Variants in SF3A1 observed in about 807,000 individuals in gnomAD.
SF3A1 encodes splicing factor 3a subunit 1.
Under a neutral mutation model 89.9 loss-of-function variants are expected in SF3A1, and 13 were observed. That is an observed-to-expected ratio of 0.14 (90% CI 0.09 to 0.23). The LOEUF (loss-of-function observed/expected upper bound fraction) is 0.23, where lower values mean the gene tolerates loss of function less well. SF3A1 is among the 10% of genes least tolerant of loss of function. The pLI, the probability that SF3A1 is intolerant of heterozygous loss-of-function variation, is 1.00. For missense variants in SF3A1, 604 were observed against 1,022.1 expected, an observed-to-expected ratio of 0.59 and a Z score of 5.58; for synonymous variants, 405 against 374.4, an observed-to-expected ratio of 1.08 and a Z score of -0.94.
rs771254960 is a variant in SF3A1, at chr22:30,341,660, A to C, written c.1071+32T>G. ...CGACCTCCTGGGGCTTCAGGGGAAA[A>C]GGTCATCCTGCAGGCCTGCCCAGCA... On this transcript the variant is annotated intron_variant, in intron 7 of 15. Coordinates refer to ENST00000215793, the MANE Select transcript of SF3A1 (RefSeq NM_005877.6). 3 of 1,591,638 alleles carry C rather than the reference A, an allele frequency of 1.9e-6. No individual in the cohort carries two copies. The Admixed American group carries it at 5.1e-5, about 27-fold the overall frequency.
chr22:30,352,143 G>C (rs1312769768), intron 2 of SF3A1, among the ~76,000 whole-genome samples: 1 of 150,252 alleles, frequency 6.7e-6, no homozygotes, highest in East Asian at 2.0e-4. Context: ...ACTGTAGGAA[G>C]AGAGAGGATC....
chr22:30,351,967 C>T (rs1380698566), intron 2 of SF3A1, among the ~76,000 whole-genome samples: 2 of 152,244 alleles, frequency 1.3e-5, no homozygotes, highest in Non-Finnish European at 2.9e-5. Context: ...AAAATTCCAT[C>T]TAAGGATGTG....
At position 30,340,729 on chromosome 22, in the gene SF3A1, G is replaced by A; in HGVS notation, c.1155C>T (p.Asp385=). ...PMPPPLPPTP[D]QVIVRKDYDP... ...CATAATCCTTGCGGACAATGACTTG[G>A]TCTGGAGTTGGGGGCAGAGGTGGAG... Residue 385 remains aspartate, a synonymous_variant, in exon 8 of 16, where the codon GAC becomes GAT. Coordinates refer to ENST00000215793, the MANE Select transcript of SF3A1 (RefSeq NM_005877.6). 1 of 1,607,928 alleles carries A rather than the reference G, an allele frequency of 6.2e-7. No homozygotes were observed. The highest frequency in any genetic ancestry group is 8.5e-7 in the Non-Finnish European group (1 of 1,175,986).
intron 2 of SF3A1, among the ~76,000 whole-genome samples, chr22:30,347,265 C>CCAG (rs1284606153): frequency 6.6e-6 from 1 of 152,186 alleles, no homozygotes; most frequent in Non-Finnish European, 1.5e-5. Context: ...TCACCGTATT[C>CCAG]CAGCCTGGAA....
rs927511808 is a variant in SF3A1, at chr22:30,333,718, G to A, written c.*876C>T. ...TGGATAAAATGGATAAAAGTAGAGA[G>A]TAAATTATTTAAACTTTATCAAATC... On this transcript the variant is annotated 3_prime_UTR_variant, in exon 16 of 16. Coordinates refer to ENST00000215793, the MANE Select transcript of SF3A1 (RefSeq NM_005877.6). The A allele has an allele frequency of 1.3e-5, 2 of 152,260 alleles. No homozygotes were observed. Among genetic ancestry groups the A allele is most frequent in the South Asian group, 2.1e-4 (1 of 4,838 alleles). The allele number at this position is 152,260 out of a possible 1,614,324, so 9.4% of individuals were successfully genotyped here. A position where few individuals can be genotyped will look rare whatever the true frequency, so the allele number is the denominator to read the frequency against.
At chr22:30,341,671 C>A in intron 7 of SF3A1, 21 bp downstream of exon 7, 1 of 1,605,452 alleles carries the variant, frequency 6.2e-7, no homozygotes, top group Admixed American at 1.7e-5. Flanking sequence ...GGTCATCCTG[C>A]AGGCCTGCCC....
At chr22:30,345,542 CAT>C (rs925855914) in intron 3 of SF3A1, among the ~76,000 whole-genome samples, 39 of 152,274 alleles carry the variant, frequency 2.6e-4, no homozygotes, top group Non-Finnish European at 1.3e-4. Context: ...AGAAGGCCTA[CAT>C]GTGTGCAGAA....
Position 30,340,769 on chromosome 22 carries a change from G to A in SF3A1, c.1115C>T (p.Pro372Leu). 1 of 1,596,784 alleles carries A rather than the reference G, an allele frequency of 6.3e-7. No individual in the cohort carries two copies. The highest frequency in any genetic ancestry group is 8.5e-7 in the Non-Finnish European group (1 of 1,172,552). Residue 372 changes from proline to leucine, a missense_variant, in exon 8 of 16, where the codon CCA becomes CTA. Pro to Leu is a moderately conservative substitution (Grantham distance 98). This residue lies in a region of SF3A1 where 146 missense variants were observed against 228.5 expected (regional missense o/e 0.64). Transcript: ENST00000215793. ...EEEGQKVPPP[P>L]ETPMPPPLPP... ...CAGAGGTGGAGGCATGGGTGTCTCT[G>A]GGGGTGGGGGCACTTTCTGCCCTTC...
At chr22:30,338,613 C>T (rs740220) in intron 11 of SF3A1, among the ~76,000 whole-genome samples, 176 bp downstream of exon 11, 30,619 of 152,122 alleles carry the variant, frequency 0.2, 3,347 homozygotes, top group Middle Eastern at 0.35. Flanking sequence ...CAACCCTCCT[C>T]CACAAACAGA....
intron 1 of SF3A1, 25 bp downstream of exon 1, chr22:30,356,705 A>C (rs766887730): frequency 2.0e-6 from 3 of 1,469,762 alleles, no homozygotes; most frequent in Non-Finnish European, 9.1e-7. Flanking sequence ...CTCCGGCTGC[A>C]GGCTGAGGGG....
rs572373656 is a variant in SF3A1, at chr22:30,347,394, A to T, written c.186-875T>A. 2.8e-4 allele frequency among the ~76,000 whole-genome samples: 42 copies of T among 152,348 alleles called. No homozygotes were observed. In the South Asian group the frequency reaches 8.7e-3, roughly 32 times the overall value. On this transcript the variant is annotated intron_variant, in intron 2 of 15. Transcript: ENST00000215793. Reference sequence around the variant, plus strand: ...CCCATTATACTGGTGAGGCCCACACAGGAAACATCCTCAGCAAAAACCCAG... The same window carrying T: ...CCCATTATACTGGTGAGGCCCACACTGGAAACATCCTCAGCAAAAACCCAG...
chr22:30,337,940 G>T, intron 11 of SF3A1, 43 bp from the exon 12 acceptor site: 1 of 1,426,438 alleles, frequency 7.0e-7, no homozygotes, highest in Non-Finnish European at 9.8e-7. Flanking sequence ...AGCCAAAGTT[G>T]GACTCCAAGG....
chr22:30,337,545 T>A (rs1262465554), intron 12 of SF3A1, 145 bp downstream of exon 12: 2 of 700,272 alleles, frequency 2.9e-6, no homozygotes, highest in Non-Finnish European at 5.2e-6. Context: ...GGGTTGCGGA[T>A]CTTTCAATGG....
At chr22:30,344,679 T>C (rs772204153) in intron 4 of SF3A1, among the ~76,000 whole-genome samples, 4 of 152,344 alleles carry the variant, frequency 2.6e-5, no homozygotes, top group East Asian at 3.9e-4. Context: ...CCTTGTCACA[T>C]AGCAGGCAAT....
chr22:30,336,965 C>G (rs9608884), intron 13 of SF3A1, 61 bp downstream of exon 13: 35,901 of 1,599,700 alleles, frequency 0.022, 520 homozygotes, highest in East Asian at 0.055. Flanking sequence ...CGCAAGTGTA[C>G]GACAGGGGCG....
At chr22:30,341,089 C>T (rs1194394088) in intron 7 of SF3A1, among the ~76,000 whole-genome samples, 3 of 52,224 alleles carry the variant, frequency 5.7e-5, no homozygotes, top group Middle Eastern at 0.015. Context: ...CTTAACATGC[C>T]GGGGGGGGAC....
chr22:30,346,139 A>G (rs1931410965), intron 3 of SF3A1, 173 bp downstream of exon 3: 1 of 606,406 alleles, frequency 1.6e-6, no homozygotes, highest in African/African-American at 1.8e-5. Flanking sequence ...GGAAATGCCA[A>G]CTAACATCAG....
In SF3A1 at chr22:30,337,737, G is replaced by A. The variant is rs377475726; in HGVS notation, c.1904C>T (p.Ala635Val). The change falls in exon 12 of 16, where the codon GCC (alanine) becomes GTC (valine). Residue 635 changes from alanine to valine, a missense_variant. By Grantham distance (64) the Ala-to-Val change is moderately conservative. Transcript: ENST00000215793. Reference sequence around the variant, plus strand: ...TGGGCGGGGGGCCATAATAGGAGGGGCCGAGGGAGGCATGGGCACCACGTT... The same window carrying A: ...TGGGCGGGGGGCCATAATAGGAGGGACCGAGGGAGGCATGGGCACCACGTT... ...RINVVPMPPSAPPIMAPRPPP... is the reference protein window; with the variant it reads ...RINVVPMPPSVPPIMAPRPPP... The A allele has an allele frequency of 6.4e-7, 1 of 1,559,776 alleles. No homozygotes were observed.
intron 13 of SF3A1, among the ~76,000 whole-genome samples, chr22:30,336,039 A>G (rs997898264): frequency 6.6e-6 from 1 of 152,232 alleles, no homozygotes; most frequent in Admixed American, 6.5e-5. Flanking sequence ...GGAAAAGAAT[A>G]TGACCTGCAG....
Sources: allele counts gnomAD v4.1 joint callset (sites outside exome capture counted in the v4.1 genomes callset), GRCh38; gene constraint gnomAD v4.1.1; regional missense constraint gnomAD v4.1.1; transcripts MANE v1.5; gene names NCBI Gene and HGNC (gene_info 2026-07-23, HGNC 2026-07-21).